ZBTB20: variants seen among roughly 807,000 people sequenced by gnomAD.
The protein encoded by ZBTB20 is zinc finger and BTB domain containing 20.
Under a neutral mutation model 56.9 loss-of-function variants are expected in ZBTB20, and 9 were observed. The ratio of observed to expected loss-of-function variants is 0.16; its 90% confidence interval spans 0.10 to 0.28. The LOEUF is 0.28. ZBTB20 is among the 10% of genes least tolerant of loss of function. The probability of loss-of-function intolerance (pLI) is 1.00; values close to 1 mark genes in which losing one functional copy is unlikely to be tolerated. For missense variants in ZBTB20, 655 were observed against 1,003.0 expected, an observed-to-expected ratio of 0.65 and a Z score of 4.69; for synonymous variants, 417 against 420.7, an observed-to-expected ratio of 0.99 and a Z score of 0.11.
At chr3:114,990,400 T>C (rs891424432) in intron 2 of ZBTB20, among the ~76,000 whole-genome samples, 2 of 152,184 alleles carry the variant, frequency 1.3e-5, no homozygotes, top group Non-Finnish European at 2.9e-5. Context: ...TATGCTGGAT[T>C]ACGTTTATTG....
At chr3:115,070,870 C>T (rs1257133932) in intron 2 of ZBTB20, among the ~76,000 whole-genome samples, 1 of 151,660 alleles carries the variant, frequency 6.6e-6, no homozygotes, top group African/African-American at 2.4e-5. Context: ...TTTCTCCCTA[C>T]TAGAGAAAAC....
chr3:115,133,325 T>C (rs1005121510), intron 1 of ZBTB20, among the ~76,000 whole-genome samples: 7 of 152,220 alleles, frequency 4.6e-5, no homozygotes, highest in African/African-American at 1.7e-4. Context: ...TTTTCTTCTT[T>C]TTCATTTCTA....
intron 7 of ZBTB20, among the ~76,000 whole-genome samples, chr3:114,455,057 G>C (rs1054356568): frequency 1.4e-5 from 2 of 145,884 alleles, no homozygotes; most frequent in East Asian, 2.0e-4. Flanking sequence ...AGAGAGAGGG[G>C]GGGGAGAGAG....
chr3:115,086,792 T>TAG (rs2083001857), intron 1 of ZBTB20, among the ~76,000 whole-genome samples: 1 of 151,876 alleles, frequency 6.6e-6, no homozygotes, highest in African/African-American at 2.4e-5. Context: ...TGTGATGGCA[T>TAG]CACTTCTAAG....
chr3:115,137,762 TG>T (rs1395761438), intron 1 of ZBTB20, among the ~76,000 whole-genome samples: 1 of 152,148 alleles, frequency 6.6e-6, no homozygotes, highest in African/African-American at 2.4e-5. Flanking sequence ...GATGTTTTCC[TG>T]TTTTTGAAAA....
intron 5 of ZBTB20, chr3:114,758,920 T>C (rs1219551832): frequency 6.6e-6 from 1 of 152,152 alleles, no homozygotes; most frequent in Non-Finnish European, 1.5e-5. Flanking sequence ...AACATCAGTC[T>C]ATGTATTTTT....
intron 6 of ZBTB20, among the ~76,000 whole-genome samples, chr3:114,532,336 G>C (rs2110039048): frequency 6.6e-6 from 1 of 152,152 alleles, no homozygotes; most frequent in East Asian, 1.9e-4. Flanking sequence ...GCTTAAGTAG[G>C]TGGTTTTCCC....
intron 1 of ZBTB20, among the ~76,000 whole-genome samples, chr3:115,146,587 AGTC>A (rs1198127313): frequency 6.6e-6 from 1 of 152,194 alleles, no homozygotes; most frequent in Non-Finnish European, 1.5e-5. Flanking sequence ...CCTCCTCTCT[AGTC>A]GTAGAAGCGA....
chr3:114,672,241 TAAA>T (rs1288224702), intron 6 of ZBTB20, among the ~76,000 whole-genome samples: 1 of 151,906 alleles, frequency 6.6e-6, no homozygotes, highest in South Asian at 2.1e-4. Flanking sequence ...ATGCTTCAAA[TAAA>T]AAACGTAAAA....
At chr3:114,957,080 C>T (rs1166633339) in intron 3 of ZBTB20, among the ~76,000 whole-genome samples, 2 of 152,182 alleles carry the variant, frequency 1.3e-5, no homozygotes, top group African/African-American at 2.4e-5. Flanking sequence ...CAGGTCCACA[C>T]CTCTTCCAAA....
At chr3:115,068,608 T>C (rs2108503012) in intron 2 of ZBTB20, among the ~76,000 whole-genome samples, 2 of 152,238 alleles carry the variant, frequency 1.3e-5, no homozygotes, top group Middle Eastern at 3.4e-3. Flanking sequence ...ATTGTATTTC[T>C]TTTATCCAAA....
At chr3:114,943,439 A>C (rs1341586677) in intron 3 of ZBTB20, among the ~76,000 whole-genome samples, 3 of 145,948 alleles carry the variant, frequency 2.1e-5, no homozygotes, top group Non-Finnish European at 4.4e-5. Context: ...AATGATACAG[A>C]TTAAAGAATT....
intron 1 of ZBTB20, among the ~76,000 whole-genome samples, chr3:115,133,808 T>G (rs913097274): frequency 1.3e-5 from 2 of 152,246 alleles, no homozygotes; most frequent in Non-Finnish European, 2.9e-5. Context: ...CTTCCACTTT[T>G]TGGCTACTAT....
At chr3:114,707,077 T>A (rs1467473373) in intron 5 of ZBTB20, among the ~76,000 whole-genome samples, 1 of 152,096 alleles carries the variant, frequency 6.6e-6, no homozygotes, top group South Asian at 2.1e-4. Context: ...AATCCTGCTA[T>A]CCCAATAACA....
intron 10 of ZBTB20, 82 bp downstream of exon 10, chr3:114,380,135 T>C: frequency 7.3e-7 from 1 of 1,365,718 alleles, no homozygotes; most frequent in South Asian, 1.7e-5. Context: ...GAGCTCGCTC[T>C]GAAAGTAGAA....
At chr3:114,342,463 G>A (rs969720697) in intron 11 of ZBTB20, among the ~76,000 whole-genome samples, 1 of 152,172 alleles carries the variant, frequency 6.6e-6, no homozygotes, top group Non-Finnish European at 1.5e-5. Flanking sequence ...GGTCATATAA[G>A]TTCCTTCACT....
intron 3 of ZBTB20, among the ~76,000 whole-genome samples, chr3:114,940,472 G>A (rs1444279677): frequency 2.8e-5 from 4 of 144,354 alleles, no homozygotes; most frequent in Non-Finnish European, 5.9e-5. Flanking sequence ...TTACTTAAAA[G>A]AACTAGTTTC....
intron 7 of ZBTB20, among the ~76,000 whole-genome samples, chr3:114,494,012 T>C (rs1224531347): frequency 2.6e-5 from 4 of 152,228 alleles, no homozygotes; most frequent in Non-Finnish European, 5.9e-5. Context: ...GATGTTCTTA[T>C]AAAATAAATC....
At chr3:114,639,823 T>C (rs1035265368) in intron 6 of ZBTB20, among the ~76,000 whole-genome samples, 7 of 152,046 alleles carry the variant, frequency 4.6e-5, no homozygotes, top group Admixed American at 1.3e-4. Flanking sequence ...CAATGGAGCA[T>C]TTCATAGGCA....
Sources: gnomAD v4.1 joint callset for allele counts (sites outside exome capture counted in the v4.1 genomes callset) on GRCh38, gnomAD v4.1.1 for gene constraint, MANE v1.5 for transcripts, NCBI Gene and HGNC (gene_info 2026-07-23, HGNC 2026-07-21) for gene names.